RAP1B: variants seen among roughly 807,000 people sequenced by gnomAD.
The protein encoded by RAP1B is ras-related protein Rap-1b.
In RAP1B, 1 loss-of-function variant was observed where a neutral mutation model predicts 27.5. That is an observed-to-expected ratio of 0.04 (90% confidence interval 0.01 to 0.17). RAP1B has a LOEUF of 0.17. Among genes scored for constraint, RAP1B ranks in the 10% least tolerant of loss-of-function variants. The pLI is 1.00. For missense variants in RAP1B, 84 were observed against 214.8 expected, an observed-to-expected ratio of 0.39 and a Z score of 3.81; for synonymous variants, 75 against 73.1, an observed-to-expected ratio of 1.03 and a Z score of -0.13.
chr12:68,630,846 A>T (rs1872182338), intron 1 of RAP1B, among the ~76,000 whole-genome samples: 1 of 151,716 alleles, frequency 6.6e-6, no homozygotes, highest in Non-Finnish European at 1.5e-5. Flanking sequence ...ACGCCTGGCT[A>T]ATTTTGTGTA....
intron 1 of RAP1B, chr12:68,641,043 C>T (rs533709177): frequency 3.3e-5 from 5 of 152,178 alleles, no homozygotes; most frequent in South Asian, 2.1e-4. Flanking sequence ...GACAGGGTCT[C>T]ACTTGTCACC....
In RAP1B at chr12:68,671,280, T is replaced by C. The variant is rs1195786284; in HGVS notation, c.*12031T>C. 1 of 152,148 alleles carries C rather than the reference T, an allele frequency of 6.6e-6. No homozygotes were observed. The highest frequency in any genetic ancestry group is 1.5e-5 in the Non-Finnish European group (1 of 68,030). 9.4% of individuals were successfully genotyped at this position (152,148 alleles called of 1,614,324 possible). A position where few individuals can be genotyped will look rare whatever the true frequency, so the allele number is the denominator to read the frequency against. On this transcript the variant is annotated 3_prime_UTR_variant, in exon 8 of 8. Transcript: ENST00000250559. ...CATTTATTGCTGATGGAAATGTGCA[T>C]TGTAGAGCTGATATCTGTTCAAATT...
chr12:68,631,821 T>G (rs1055623976), intron 1 of RAP1B, among the ~76,000 whole-genome samples: 1 of 152,198 alleles, frequency 6.6e-6, no homozygotes, highest in African/African-American at 2.4e-5. Context: ...CCTACAAAAT[T>G]GTAAGCTTTT....
At position 68,665,154 on chromosome 12, in the gene RAP1B, G is replaced by A. The variant is rs553971561; in HGVS notation, c.*5905G>A. 6.6e-6 allele frequency: 1 copy of A among 152,396 alleles called. No homozygotes were observed. Among genetic ancestry groups the A allele is most frequent in the South Asian group, 2.1e-4 (1 of 4,832 alleles). 9.4% of individuals were successfully genotyped at this position (152,396 alleles called of 1,614,324 possible). A position where few individuals can be genotyped will look rare whatever the true frequency, so the allele number is the denominator to read the frequency against. On this transcript the variant is annotated 3_prime_UTR_variant, in exon 8 of 8. Transcript: ENST00000250559. Reference sequence around the variant, plus strand: ...AAAAGTATCTTTCCCTACTGGAAATGGAATAGAATCGGATGGGTATGGTAC... The same window carrying A: ...AAAAGTATCTTTCCCTACTGGAAATAGAATAGAATCGGATGGGTATGGTAC...
At chr12:68,647,382 TCCCCG>T (rs1873495579) in intron 1 of RAP1B, among the ~76,000 whole-genome samples, 4 of 1,932 alleles carry the variant, frequency 2.1e-3, no homozygotes, top group African/African-American at 4.0e-3. Flanking sequence ...CCCACTCCAC[TCCCCG>T]CCCCCCCCCC....
chr12:68,652,193 C>G (rs1394333634), intron 4 of RAP1B, 142 bp downstream of exon 4: 4 of 586,312 alleles, frequency 6.8e-6, no homozygotes, highest in Non-Finnish European at 8.7e-6. Context: ...CACCTCTATT[C>G]CCAGCACTTC....
chr12:68,626,790 T>G, intron 1 of RAP1B: 2 of 1,312,862 alleles, frequency 1.5e-6, no homozygotes, highest in African/African-American at 1.5e-5. Context: ...TTTTTGTTGT[T>G]TGTTTGTTTG....
intron 1 of RAP1B, among the ~76,000 whole-genome samples, chr12:68,638,898 T>A (rs766909488): frequency 1.8e-4 from 28 of 152,124 alleles, no homozygotes; most frequent in Admixed American, 9.2e-4. Flanking sequence ...TCACTTCAAG[T>A]GATCTGCCTG....
At chr12:68,650,732 GT>G in intron 3 of RAP1B, 1 of 205,192 alleles carries the variant, frequency 4.9e-6, no homozygotes. Flanking sequence ...GTAGCCCCAT[GT>G]TACTTTCAGT....
chr12:68,652,454 C>G (rs962529064), intron 4 of RAP1B, among the ~76,000 whole-genome samples: 1 of 149,920 alleles, frequency 6.7e-6, no homozygotes, highest in African/African-American at 2.5e-5. Flanking sequence ...GACTCTGTGT[C>G]AAAAAAAAAC....
chr12:68,653,732 T>C (rs1738755934), intron 4 of RAP1B, among the ~76,000 whole-genome samples: 1 of 151,982 alleles, frequency 6.6e-6, no homozygotes, highest in African/African-American at 2.4e-5. Flanking sequence ...ATGGAGATCA[T>C]CCTGGCTAAC....
At chr12:68,611,632 A>T (rs1870599555) in intron 1 of RAP1B, among the ~76,000 whole-genome samples, 1 of 152,102 alleles carries the variant, frequency 6.6e-6, no homozygotes, top group Non-Finnish European at 1.5e-5. Context: ...TTTGCCTGAA[A>T]CGGGGCTTGC....
intron 1 of RAP1B, among the ~76,000 whole-genome samples, chr12:68,612,405 A>G (rs565471260): frequency 2.0e-5 from 3 of 152,320 alleles, no homozygotes; most frequent in South Asian, 4.1e-4. Context: ...ATTGAGTCAT[A>G]GTGGAGTCAT....
intron 1 of RAP1B, among the ~76,000 whole-genome samples, chr12:68,638,544 G>T (rs1056504024): frequency 6.6e-6 from 1 of 152,058 alleles, no homozygotes; most frequent in Non-Finnish European, 1.5e-5. Flanking sequence ...GAAAGATAAT[G>T]ACTCCAAAAT....
intron 7 of RAP1B, among the ~76,000 whole-genome samples, chr12:68,658,917 T>C (rs998525798): frequency 2.2e-4 from 34 of 152,352 alleles, no homozygotes; most frequent in African/African-American, 7.7e-4. Context: ...TTGTTAATAT[T>C]GCTATCTGAC....
chr12:68,615,472 C>T (rs1055281620), intron 1 of RAP1B, among the ~76,000 whole-genome samples: 4 of 151,540 alleles, frequency 2.6e-5, no homozygotes, highest in African/African-American at 9.7e-5. Context: ...GCCTGTAATC[C>T]GAGCTGCTTG....
intron 2 of RAP1B, 175 bp from the exon 3 acceptor site, chr12:68,650,225 A>G (rs1873710564): frequency 2.1e-6 from 1 of 478,600 alleles, no homozygotes; most frequent in African/African-American, 2.0e-5. Flanking sequence ...TTAAAAATAA[A>G]CAGCTTCCTG....
At chr12:68,618,204 A>G (rs2135913610) in intron 1 of RAP1B, among the ~76,000 whole-genome samples, 1 of 140,860 alleles carries the variant, frequency 7.1e-6, no homozygotes, top group East Asian at 2.2e-4. Flanking sequence ...CACCTGCCTC[A>G]GCCTCTCGAG....
chr12:68,615,531 G>T (rs970470354), intron 1 of RAP1B, among the ~76,000 whole-genome samples: 2 of 151,704 alleles, frequency 1.3e-5, no homozygotes, highest in East Asian at 3.9e-4. Flanking sequence ...GGAGGTTGCA[G>T]TGAGCCAAGA....
Sources: gnomAD v4.1 joint callset for allele counts (sites outside exome capture counted in the v4.1 genomes callset) on GRCh38, gnomAD v4.1.1 for gene constraint, MANE v1.5 for transcripts, NCBI Gene and HGNC (gene_info 2026-07-23, HGNC 2026-07-21) for gene names.